The following MCU variants were observed in gnomAD, a reference collection of about 807,000 sequenced individuals.
The protein encoded by MCU is mitochondrial calcium uniporter, also known as calcium uniporter protein, mitochondrial.
Under a neutral mutation model 45.2 loss-of-function variants are expected in MCU, and 12 were observed. The ratio of observed to expected loss-of-function variants is 0.27; its 90% CI spans 0.17 to 0.43. The LOEUF is 0.43. Ranked by LOEUF, MCU falls within the 20% of genes least tolerant of loss-of-function variation. The pLI is 1.00. For synonymous variants in MCU, 160 were observed against 165.1 expected (o/e 0.97, Z 0.24); for missense variants, 324 against 436.7 (o/e 0.74, Z 2.30).
intron 1 of MCU, among the ~76,000 whole-genome samples, chr10:72,781,601 T>G (rs977250023): frequency 6.6e-6 from 1 of 152,240 alleles, no homozygotes; most frequent in Non-Finnish European, 1.5e-5. Flanking sequence ...GTCATGTGCA[T>G]CTGCAAAACT....
intron 1 of MCU, among the ~76,000 whole-genome samples, chr10:72,775,430 A>G (rs1310630943): frequency 1.3e-5 from 2 of 152,170 alleles, no homozygotes; most frequent in East Asian, 3.8e-4. Flanking sequence ...AAACACTTCT[A>G]TCAAAAAAGA....
chr10:72,732,905 A>G (rs947043535), intron 1 of MCU, among the ~76,000 whole-genome samples: 2 of 152,360 alleles, frequency 1.3e-5, no homozygotes, highest in Admixed American at 6.5e-5. Context: ...TGAGACGAAA[A>G]TGGCCCTTTT....
intron 1 of MCU, among the ~76,000 whole-genome samples, chr10:72,793,830 C>G (rs1844204432): frequency 6.6e-6 from 1 of 152,192 alleles, no homozygotes; most frequent in East Asian, 1.9e-4. Context: ...GAAGTTATAT[C>G]ATTACTTCTT....
At chr10:72,848,186 T>C (rs559595620) in intron 2 of MCU, among the ~76,000 whole-genome samples, 16 of 152,210 alleles carry the variant, frequency 1.1e-4, no homozygotes, top group Non-Finnish European at 1.8e-4. Flanking sequence ...ATTTTTTGAC[T>C]TACAGTGGGT....
chr10:72,801,759 C>T (rs1844345278), intron 1 of MCU, among the ~76,000 whole-genome samples: 2 of 151,012 alleles, frequency 1.3e-5, no homozygotes, highest in South Asian at 4.2e-4. Context: ...GCAACCTCTA[C>T]CTCCCAGGCT....
chr10:72,868,551 CAAAAAA>C, intron 4 of MCU, 146 bp from the exon 5 acceptor site: 1 of 488,762 alleles, frequency 2.0e-6, no homozygotes, highest in Non-Finnish European at 3.3e-6. Flanking sequence ...GACTTTGTCT[CAAAAAA>C]AAAAAAAAAA....
chr10:72,773,872 A>G (rs566875553), intron 1 of MCU, among the ~76,000 whole-genome samples: 1 of 152,346 alleles, frequency 6.6e-6, no homozygotes, highest in African/African-American at 2.4e-5. Context: ...ATATTTTGCA[A>G]AATTGTCTTT....
intron 1 of MCU, among the ~76,000 whole-genome samples, chr10:72,779,092 C>T (rs1012716151): frequency 6.6e-6 from 1 of 152,126 alleles, no homozygotes; most frequent in Non-Finnish European, 1.5e-5. Flanking sequence ...GCCTCAGCCT[C>T]CCGAGTAGCT....
intron 1 of MCU, among the ~76,000 whole-genome samples, chr10:72,701,219 G>A (rs1842755265): frequency 1.3e-5 from 2 of 152,188 alleles, no homozygotes; most frequent in Admixed American, 1.3e-4. Context: ...TAGAGGAATA[G>A]ATATAGAAGA....
chr10:72,859,355 C>A lies in MCU; in HGVS notation c.391+8C>A. The A allele has an allele frequency of 6.2e-7, 1 of 1,601,184 alleles. No homozygotes were observed. The highest frequency in any genetic ancestry group is 1.1e-5 in the South Asian group (1 of 88,928). On this transcript the variant is annotated splice_region_variant and intron_variant, in intron 3 of 7. Transcript: ENST00000373053. ...TTGCTATCTATTCACCAGGTATAGT[C>A]ACCATCATTATTAATTACCATCTAT...
chr10:72,737,500 G>A (rs1246528852), intron 1 of MCU, among the ~76,000 whole-genome samples: 1 of 150,756 alleles, frequency 6.6e-6, no homozygotes. Context: ...AAGTTGGCGC[G>A]TTATTTCCCC....
intron 2 of MCU, among the ~76,000 whole-genome samples, chr10:72,850,660 C>T (rs911519565): frequency 3.9e-5 from 6 of 152,104 alleles, no homozygotes; most frequent in African/African-American, 1.2e-4. Context: ...GTTTGTAGTT[C>T]CTGCACTACT....
At chr10:72,731,510 AAGGT>A (rs942807860) in intron 1 of MCU, among the ~76,000 whole-genome samples, 11 of 152,138 alleles carry the variant, frequency 7.2e-5, no homozygotes, top group Non-Finnish European at 1.0e-4. Context: ...CAGTGGTTTT[AAGGT>A]AGTCACAGGA....
intron 1 of MCU, among the ~76,000 whole-genome samples, chr10:72,781,619 A>G (rs193221115): frequency 6.6e-6 from 1 of 152,336 alleles, no homozygotes; most frequent in African/African-American, 2.4e-5. Context: ...ACTTAAGCAG[A>G]TGTTTTGTTT....
At chr10:72,853,400 A>T (rs1454749655) in intron 2 of MCU, among the ~76,000 whole-genome samples, 1 of 152,190 alleles carries the variant, frequency 6.6e-6, no homozygotes, top group Non-Finnish European at 1.5e-5. Context: ...GACACTGCAG[A>T]AGAAAAAAAT....
rs1844329913 is a variant in MCU, at chr10:72,800,961, A to G, written c.151-33398A>G. On this transcript the variant is annotated intron_variant, in intron 1 of 7. Transcript: ENST00000373053. ...AAAAAAATTAAAAAATTCGCTGGGC[A>G]TGGTGGAACACACCTGTAGTCCTAG... Among the ~76,000 whole-genome samples the G allele has an allele frequency of 2.0e-5, 3 of 152,160 alleles. No individual in the cohort carries two copies. The South Asian group carries it at 6.2e-4, about 32-fold the overall frequency.
At chr10:72,718,943 AAGTC>A (rs1431932152) in intron 1 of MCU, among the ~76,000 whole-genome samples, 31 of 152,214 alleles carry the variant, frequency 2.0e-4, no homozygotes, top group African/African-American at 7.2e-4. Context: ...ATAGTGTCAG[AAGTC>A]AGGAGACTGA....
intron 5 of MCU, among the ~76,000 whole-genome samples, chr10:72,870,183 G>A (rs1845519608): frequency 6.6e-6 from 1 of 152,032 alleles, no homozygotes; most frequent in African/African-American, 2.4e-5. Context: ...AATACTCTTA[G>A]TATTTTGCAT....
At chr10:72,731,555 A>G (rs1247054965) in intron 1 of MCU, among the ~76,000 whole-genome samples, 1 of 152,082 alleles carries the variant, frequency 6.6e-6, no homozygotes, top group Non-Finnish European at 1.5e-5. Context: ...CCAATATCTG[A>G]TTCCAGAATG....
Sources: allele counts gnomAD v4.1 joint callset (sites outside exome capture counted in the v4.1 genomes callset), GRCh38; gene constraint gnomAD v4.1.1; transcripts MANE v1.5; gene names NCBI Gene and HGNC (gene_info 2026-07-23, HGNC 2026-07-21).